Variants in LRCH1 observed in about 807,000 individuals in gnomAD.
LRCH1 encodes the protein leucine rich repeats and calponin homology domain containing 1.
Under a neutral mutation model 94.9 loss-of-function variants are expected in LRCH1, and 23 were observed. The observed-to-expected ratio is 0.24, with a 90% CI of 0.17 to 0.34. The LOEUF is 0.34. Ranked by LOEUF, LRCH1 falls within the 10% of genes least tolerant of loss-of-function variation. LRCH1 has a pLI of 1.00. For missense variants in LRCH1, 790 were observed against 945.9 expected, an observed-to-expected ratio of 0.84 and a Z score of 2.16; for synonymous variants, 364 against 354.9, an observed-to-expected ratio of 1.03 and a Z score of -0.29.
chr13:46,715,634 A>T lies in LRCH1; in HGVS notation c.1729A>T (p.Ser577Cys). 1 of 1,536,886 alleles carries T rather than the reference A, an allele frequency of 6.5e-7. No individual in the cohort carries two copies. The highest frequency in any genetic ancestry group is 8.7e-7 in the Non-Finnish European group (1 of 1,146,544). The change falls in exon 16 of 20, where the codon AGT becomes TGT. Residue 577 changes from serine (S) to cysteine (C), a missense_variant. This residue lies in a region of LRCH1 where 460 missense variants were observed against 508.9 expected (regional missense o/e 0.90). Coordinates refer to ENST00000389797, the MANE Select transcript of LRCH1 (RefSeq NM_001164211.2). Reference protein sequence around the residue: ...QAQTWDSSSYSVPSEGDSDNV... With the variant: ...QAQTWDSSSYCVPSEGDSDNV... The stretch of plus-strand genomic sequence containing the variant: ...ACAGACATGGGACAGCTCTAGCTAC[A>T]GTGTTCCATCTGAAGGAGACAGTGA...
rs1198373635 is a variant in LRCH1, at chr13:46,742,655, G to A, written c.*807G>A. On this transcript the variant is annotated 3_prime_UTR_variant, in exon 20 of 20. Transcript: ENST00000389797. The stretch of plus-strand genomic sequence containing the variant: ...GGCTCTTAGAAAAGCGTTTTCCAGA[G>A]AGATTTCTATTTTTGAACAATGGAA... 1.0e-6 allele frequency: 1 copy of A among 985,266 alleles called. No homozygotes were observed. The highest frequency in any genetic ancestry group is 1.7e-5 in the African/African-American group (1 of 57,212). The allele number at this position is 985,266 out of a possible 1,614,324, so 61.0% of individuals were successfully genotyped here.
At chr13:46,673,512 T>G (rs1466704978) in intron 3 of LRCH1, among the ~76,000 whole-genome samples, 2 of 152,036 alleles carry the variant, frequency 1.3e-5, no homozygotes, top group Non-Finnish European at 2.9e-5. Context: ...GAAAAAAAAA[T>G]TCCCTGGAGG....
In LRCH1 at chr13:46,560,140, C is replaced by CATATATATATATATATAT. The variant is rs58876595; in HGVS notation, c.307+6446_307+6447insTATATATATATATATATA. Among the ~76,000 whole-genome samples the CATATATATATATATATAT allele has an allele frequency of 1.4e-3, 187 of 133,860 alleles. 4 individuals are homozygous for CATATATATATATATATAT. The highest frequency in any genetic ancestry group is 3.8e-3 in the Middle Eastern group (1 of 264). 87.8% of individuals were successfully genotyped at this position (133,860 alleles called of 152,430 possible). A position where few individuals can be genotyped will look rare whatever the true frequency, so the allele number is the denominator to read the frequency against. ...TTTTGTGTATACATTTCTGTTCCCC[C>CATATATATATATATATAT]ATATATATAGACTTTTTATATTTCA... On this transcript the variant is annotated intron_variant, in intron 1 of 19. Transcript: ENST00000389797.
intron 2 of LRCH1, among the ~76,000 whole-genome samples, chr13:46,655,580 A>G (rs1038450563): frequency 2.6e-5 from 4 of 152,228 alleles, no homozygotes; most frequent in Admixed American, 6.5e-5. Context: ...TTGTTCCTAT[A>G]GAGGAACCAA....
At chr13:46,612,287 T>C (rs1407576561) in intron 1 of LRCH1, among the ~76,000 whole-genome samples, 1 of 152,164 alleles carries the variant, frequency 6.6e-6, no homozygotes, top group Non-Finnish European at 1.5e-5. Context: ...TACCTTTAGG[T>C]TCACTGAATT....
chr13:46,648,375 TG>T (rs1033887077), intron 1 of LRCH1, among the ~76,000 whole-genome samples: 2 of 152,222 alleles, frequency 1.3e-5, no homozygotes, highest in African/African-American at 4.8e-5. Flanking sequence ...TGTACCAGTC[TG>T]GTCCGTGGCC....
At chr13:46,603,258 A>T (rs1399276487) in intron 1 of LRCH1, among the ~76,000 whole-genome samples, 4 of 152,076 alleles carry the variant, frequency 2.6e-5, no homozygotes, top group Admixed American at 2.0e-4. Flanking sequence ...GAGCAGAGCC[A>T]CACTGTGGAT....
At chr13:46,741,566 C>T (rs1023735398) in intron 19 of LRCH1, 76 bp from the exon 20 acceptor site, 8 of 1,586,790 alleles carry the variant, frequency 5.0e-6, no homozygotes, top group Non-Finnish European at 6.0e-6. Flanking sequence ...ATGTGTGCTT[C>T]TTTCTAGCTG....
At chr13:46,581,387 A>G (rs1262220050) in intron 1 of LRCH1, among the ~76,000 whole-genome samples, 2 of 152,174 alleles carry the variant, frequency 1.3e-5, no homozygotes, top group Non-Finnish European at 2.9e-5. Flanking sequence ...CAAAACAACA[A>G]CCAAAGAACT....
At chr13:46,554,396 C>T (rs1193103218) in intron 1 of LRCH1, among the ~76,000 whole-genome samples, 4 of 152,224 alleles carry the variant, frequency 2.6e-5, no homozygotes, top group African/African-American at 9.6e-5. Flanking sequence ...CGGCCCTCTT[C>T]CTTCCGTGCC....
chr13:46,651,813 G>A (rs944511555), intron 2 of LRCH1, among the ~76,000 whole-genome samples: 2 of 149,316 alleles, frequency 1.3e-5, no homozygotes, highest in Non-Finnish European at 3.0e-5. Context: ...CCATTCTCCT[G>A]CCTCAGCCTC....
chr13:46,579,322 CAG>C (rs1011694970), intron 1 of LRCH1, among the ~76,000 whole-genome samples: 9 of 152,130 alleles, frequency 5.9e-5, no homozygotes, highest in African/African-American at 2.2e-4. Flanking sequence ...TCCAACTCTT[CAG>C]AGAGATATTA....
At chr13:46,736,014 C>T (rs997685125) in intron 19 of LRCH1, among the ~76,000 whole-genome samples, 1 of 151,898 alleles carries the variant, frequency 6.6e-6, no homozygotes, top group African/African-American at 2.4e-5. Context: ...CCAGGCTGGT[C>T]GCGAACTCCT....
intron 16 of LRCH1, among the ~76,000 whole-genome samples, chr13:46,716,533 G>A (rs1270374636): frequency 2.0e-5 from 3 of 152,146 alleles, no homozygotes; most frequent in Admixed American, 6.5e-5. Flanking sequence ...GAGGTACAGG[G>A]TATAGCCACA....
intron 17 of LRCH1, among the ~76,000 whole-genome samples, chr13:46,723,770 A>G (rs1368137301): frequency 3.3e-5 from 5 of 152,088 alleles, no homozygotes; most frequent in Non-Finnish European, 7.4e-5. Flanking sequence ...ACTTCACTTC[A>G]GCCTGGGTGA....
At chr13:46,581,919 G>A (rs1364408924) in intron 1 of LRCH1, among the ~76,000 whole-genome samples, 1 of 152,142 alleles carries the variant, frequency 6.6e-6, no homozygotes, top group African/African-American at 2.4e-5. Flanking sequence ...GGAGGCCAAG[G>A]TGGGTGGATC....
At chr13:46,691,810 C>T (rs1870910712) in intron 7 of LRCH1, among the ~76,000 whole-genome samples, 1 of 152,198 alleles carries the variant, frequency 6.6e-6, no homozygotes, top group Non-Finnish European at 1.5e-5. Context: ...CTGCCTCAGC[C>T]TCCCTTATAG....
At chr13:46,577,496 T>C (rs772788497) in intron 1 of LRCH1, among the ~76,000 whole-genome samples, 25 of 152,210 alleles carry the variant, frequency 1.6e-4, no homozygotes, top group Middle Eastern at 3.2e-3. Flanking sequence ...CCATTTAAGA[T>C]GACACAATAA....
intron 1 of LRCH1, among the ~76,000 whole-genome samples, chr13:46,606,867 A>G (rs895509500): frequency 2.0e-5 from 3 of 152,158 alleles, no homozygotes; most frequent in Non-Finnish European, 4.4e-5. Context: ...AGCACCTGGC[A>G]GAAAGAAATT....
Sources: allele counts gnomAD v4.1 joint callset (sites outside exome capture counted in the v4.1 genomes callset), GRCh38; gene constraint gnomAD v4.1.1; regional missense constraint gnomAD v4.1.1; transcripts MANE v1.5; gene names NCBI Gene and HGNC (gene_info 2026-07-23, HGNC 2026-07-21).